MYCBP2: variants seen among roughly 807,000 people sequenced by gnomAD.
The protein encoded by MYCBP2 is E3 ubiquitin-protein ligase MYCBP2.
Under a neutral mutation model 525.3 loss-of-function variants are expected in MYCBP2, and 120 were observed. The observed-to-expected ratio is 0.23, with a 90% CI of 0.20 to 0.27. The LOEUF (loss-of-function observed/expected upper bound fraction) is 0.27. Among genes scored for constraint, MYCBP2 ranks in the 10% least tolerant of loss-of-function variants. The probability of loss-of-function intolerance (pLI) is 1.00; values close to 1 mark genes in which losing one functional copy is unlikely to be tolerated. For missense variants in MYCBP2, 4,149 were observed against 5,657.1 expected, an observed-to-expected ratio of 0.73 and a Z score of 8.55; for synonymous variants, 1,894 against 1,955.8, an observed-to-expected ratio of 0.97 and a Z score of 0.83.
chr13:77,084,400 T>G (rs1317587017), intron 62 of MYCBP2, among the ~76,000 whole-genome samples: 1 of 152,204 alleles, frequency 6.6e-6, no homozygotes, highest in Non-Finnish European at 1.5e-5. Context: ...TATTGATTAC[T>G]GATATAGAAG....
chr13:77,062,562 A>T (rs2039489087), intron 74 of MYCBP2, 34 bp downstream of exon 74: 3 of 1,563,914 alleles, frequency 1.9e-6, no homozygotes, highest in Non-Finnish European at 2.6e-6. Context: ...TGTAAAGGAA[A>T]GCAAGATAAA....
At chr13:77,245,227 C>G (rs925568044) in intron 15 of MYCBP2, among the ~76,000 whole-genome samples, 1 of 152,082 alleles carries the variant, frequency 6.6e-6, no homozygotes, top group Non-Finnish European at 1.5e-5. Flanking sequence ...ATCAGAAATA[C>G]CATTTGACCC....
rs2071389836 is a variant in MYCBP2 at position 77,252,493 on chromosome 13, G to C, written c.2177-1138C>G. Among the ~76,000 whole-genome samples, 3 of 152,084 alleles carry C rather than the reference G, an allele frequency of 2.0e-5. 1 individual carries two copies. The highest frequency in any genetic ancestry group is 4.1e-4 in the South Asian group (2 of 4,828). On this transcript the variant is annotated intron_variant, in intron 14 of 82. Transcript: ENST00000544440. ...GTTTTGAAGGAACACAGTGTTATAAGACCCTATGACAGGAGAACAAATCTG... is the reference window on the plus strand; with the variant it reads ...GTTTTGAAGGAACACAGTGTTATAACACCCTATGACAGGAGAACAAATCTG...
At chr13:77,054,062 AT>A (rs1405482349) in intron 80 of MYCBP2, among the ~76,000 whole-genome samples, 2 of 152,084 alleles carry the variant, frequency 1.3e-5, no homozygotes, top group Non-Finnish European at 2.9e-5. Context: ...AGATGGGGGT[AT>A]GTTACAGAGG....
intron 23 of MYCBP2, among the ~76,000 whole-genome samples, chr13:77,209,420 C>G (rs540692423): frequency 6.6e-6 from 1 of 152,290 alleles, no homozygotes; most frequent in African/African-American, 2.4e-5. Context: ...AAAAATAAAA[C>G]ATGTAAGAAC....
intron 72 of MYCBP2, among the ~76,000 whole-genome samples, chr13:77,065,047 A>G (rs1305424442): frequency 6.6e-6 from 1 of 152,186 alleles, no homozygotes; most frequent in East Asian, 1.9e-4. Context: ...AAGGTTATCT[A>G]TGTTTGAGAA....
chr13:77,073,142 T>C (rs1243119849), intron 68 of MYCBP2, among the ~76,000 whole-genome samples: 1 of 152,086 alleles, frequency 6.6e-6, no homozygotes, highest in East Asian at 1.9e-4. Context: ...ATCATGTAGC[T>C]ACCATCCCCT....
chr13:77,281,422 T>A (rs1022857680), intron 3 of MYCBP2, among the ~76,000 whole-genome samples: 1 of 152,010 alleles, frequency 6.6e-6, no homozygotes, highest in African/African-American at 2.4e-5. Context: ...TGATATTTAA[T>A]AAAAATAATA....
chr13:77,282,464 G>A (rs1386510986), intron 3 of MYCBP2, among the ~76,000 whole-genome samples: 6 of 150,262 alleles, frequency 4.0e-5, no homozygotes, highest in African/African-American at 1.5e-4. Flanking sequence ...TGAGTTCCTT[G>A]CCTAACAAAT....
In MYCBP2 at chr13:77,083,178, T is replaced by C. The variant is rs1240931239; in HGVS notation, c.10890A>G (p.Arg3630=). Residue 3630 remains arginine, a synonymous_variant, in exon 63 of 83, where the codon AGA becomes AGG. Coordinates refer to ENST00000544440, the MANE Select transcript of MYCBP2 (RefSeq NM_015057.5). ...TGTCTGAGAGTGGATGTTCACATACTCTTGTATCTTTCTCCTAAGGCAGAA... is the reference window on the plus strand; with the variant it reads ...TGTCTGAGAGTGGATGTTCACATACCCTTGTATCTTTCTCCTAAGGCAGAA... The part of the protein sequence containing the change: ...KENSEQEKDT[R]VCEHPLSDIV... 8 of 1,612,074 alleles carry C rather than the reference T, an allele frequency of 5.0e-6. No individual in the cohort carries two copies. Among genetic ancestry groups the C allele is most frequent in the Non-Finnish European group, 5.9e-6 (7 of 1,179,134 alleles).
intron 23 of MYCBP2, among the ~76,000 whole-genome samples, chr13:77,209,978 G>C (rs1452334888): frequency 6.6e-6 from 1 of 152,120 alleles, no homozygotes; most frequent in Non-Finnish European, 1.5e-5. Context: ...GGTAGAAGAA[G>C]GAAGACAGAG....
At chr13:77,271,711 G>A (rs2074922663) in intron 5 of MYCBP2, among the ~76,000 whole-genome samples, 1 of 152,130 alleles carries the variant, frequency 6.6e-6, no homozygotes, top group Non-Finnish European at 1.5e-5. Flanking sequence ...GCTCCTCCTT[G>A]CCTTCCACCA....
chr13:77,318,283 T>A lies in MYCBP2; in HGVS notation c.302+8191A>T, dbSNP rs757458697. On this transcript the variant is annotated intron_variant, in intron 1 of 82. Coordinates refer to ENST00000544440, the MANE Select transcript of MYCBP2 (RefSeq NM_015057.5). Reference sequence around the variant, plus strand: ...AATGAAAACCCTTTTATTGGGCCCATGCACAGCCATCATCGGTAATTTTTC... The same window carrying A: ...AATGAAAACCCTTTTATTGGGCCCAAGCACAGCCATCATCGGTAATTTTTC... 3.9e-5 allele frequency among the ~76,000 whole-genome samples: 6 copies of A among 152,154 alleles called. No individual in the cohort carries two copies. The South Asian group carries it at 1.2e-3, about 32-fold the overall frequency.
At chr13:77,157,851 T>C in intron 45 of MYCBP2, 86 bp downstream of exon 45, 1 of 1,119,182 alleles carries the variant, frequency 8.9e-7, no homozygotes, top group Non-Finnish European at 1.3e-6. Context: ...TAAAGTAGTA[T>C]TTTAATATTC....
chr13:77,183,897 CTT>C (rs954990284), intron 32 of MYCBP2, among the ~76,000 whole-genome samples: 1 of 152,082 alleles, frequency 6.6e-6, no homozygotes, highest in Non-Finnish European at 1.5e-5. Flanking sequence ...TTCTTTCTCT[CTT>C]CTCTCCCAGT....
At chr13:77,200,558 C>T (rs2062390077) in intron 26 of MYCBP2, among the ~76,000 whole-genome samples, 1 of 152,098 alleles carries the variant, frequency 6.6e-6, no homozygotes. Flanking sequence ...AAAGATACTC[C>T]TTGAGAAGAG....
At chr13:77,283,144 G>C (rs2076372827) in intron 3 of MYCBP2, among the ~76,000 whole-genome samples, 1 of 152,056 alleles carries the variant, frequency 6.6e-6, no homozygotes, top group Non-Finnish European at 1.5e-5. Flanking sequence ...ATAACTACAG[G>C]GTGGTGAGTC....
At chr13:77,284,237 GA>G (rs111730591) in intron 3 of MYCBP2, among the ~76,000 whole-genome samples, 2,264 of 140,894 alleles carry the variant, frequency 0.016, 47 homozygotes, top group African/African-American at 0.051. Context: ...TCATGTTAAG[GA>G]AAAAAAAAAA....
At chr13:77,205,956 A>T (rs1235298207) in intron 24 of MYCBP2, among the ~76,000 whole-genome samples, 1 of 152,182 alleles carries the variant, frequency 6.6e-6, no homozygotes, top group Non-Finnish European at 1.5e-5. Flanking sequence ...AAACTTAATC[A>T]ACACTAGTTT....
Sources: allele counts gnomAD v4.1 joint callset (sites outside exome capture counted in the v4.1 genomes callset), GRCh38; gene constraint gnomAD v4.1.1; transcripts MANE v1.5; gene names NCBI Gene and HGNC (gene_info 2026-07-23, HGNC 2026-07-21).